Variants in MADD observed in about 807,000 individuals in gnomAD.
MADD encodes MAP kinase-activating death domain protein.
In MADD, 109 loss-of-function variants were observed where a neutral mutation model predicts 176.7. The ratio of observed to expected loss-of-function variants is 0.62; its 90% CI spans 0.53 to 0.72. The LOEUF (loss-of-function observed/expected upper bound fraction) is 0.72. Among genes scored for constraint, MADD ranks in the 30% least tolerant of loss-of-function variants. The pLI is 0.00. For missense variants in MADD, 1,914 were observed against 2,045.5 expected, an observed-to-expected ratio of 0.94 and a Z score of 1.24; for synonymous variants, 771 against 771.3, an observed-to-expected ratio of 1.00 and a Z score of 0.01.
At chr11:47,317,668 G>C (rs1227615415) in intron 27 of MADD, among the ~76,000 whole-genome samples, 1 of 152,134 alleles carries the variant, frequency 6.6e-6, no homozygotes, top group Non-Finnish European at 1.5e-5. Flanking sequence ...ACATCAGTGG[G>C]CTCAGATGTG....
intron 1 of MADD, among the ~76,000 whole-genome samples, chr11:47,272,798 A>G (rs1425446744): frequency 6.6e-6 from 1 of 152,152 alleles, no homozygotes; most frequent in Non-Finnish European, 1.5e-5. Flanking sequence ...CCTCTAATTC[A>G]TAGCCTCTGT....
chr11:47,305,862 G>A (rs558907158), intron 22 of MADD, among the ~76,000 whole-genome samples: 1 of 152,266 alleles, frequency 6.6e-6, no homozygotes, highest in East Asian at 1.9e-4. Context: ...GGGACATGGG[G>A]TACTGTGTCA....
chr11:47,315,832 CTTTT>C (rs138135047), intron 27 of MADD, among the ~76,000 whole-genome samples: 42 of 128,702 alleles, frequency 3.3e-4, no homozygotes, highest in East Asian at 6.8e-4. Flanking sequence ...ATACCCATTT[CTTTT>C]TTTTTTTTTT....
chr11:47,304,887 G>T (rs2081336641), intron 22 of MADD, among the ~76,000 whole-genome samples: 1 of 152,102 alleles, frequency 6.6e-6, no homozygotes, highest in Non-Finnish European at 1.5e-5. Context: ...CTCTGGAGTG[G>T]CTTTCATAGA....
At position 47,326,818 on chromosome 11, in the gene MADD, T is replaced by G. The variant is rs1391298385; in HGVS notation, c.4612+11T>G. 1 of 1,614,056 alleles carries G rather than the reference T, an allele frequency of 6.2e-7. No homozygotes were observed. Among genetic ancestry groups the G allele is most frequent in the South Asian group, 1.1e-5 (1 of 91,072 alleles). On this transcript the variant is annotated intron_variant, in intron 31 of 32. Coordinates refer to ENST00000402192, the Ensembl canonical transcript of MADD. ...TCCTGGAGGAATTTGGTAATTACAC[T>G]ATTTTGCTCTTAGGTCTGGACTCAC...
At chr11:47,308,621 A>G in exon 23 of MADD, 2 of 1,614,030 alleles carry the variant, frequency 1.2e-6, no homozygotes, top group South Asian at 2.2e-5. Context: ...GCCAAGCATA[A>G]AGGAGAAGCT....
intron 27 of MADD, among the ~76,000 whole-genome samples, chr11:47,323,250 A>AG (rs992325675): frequency 7.2e-5 from 11 of 151,850 alleles, no homozygotes; most frequent in Admixed American, 7.2e-4. Context: ...AAAAAAAAAA[A>AG]AAAAATTATA....
Position 47,273,811 on chromosome 11 carries a change from C to CT in MADD, c.-88-9dup. ...GGCACAGCAGTGGATCTTATCAGTA[C>CT]TTTTTTTCCTATTAGACTTCGATTT... On this transcript the variant is annotated splice_polypyrimidine_tract_variant and intron_variant, in intron 1 of 32. Transcript: ENST00000402192. 3.1e-6 allele frequency: 3 copies of CT among 969,128 alleles called. No individual in the cohort carries two copies. Among genetic ancestry groups the CT allele is most frequent in the South Asian group, 1.4e-5 (1 of 73,666 alleles). 60.0% of individuals were successfully genotyped at this position (969,128 alleles called of 1,614,324 possible). A position where few individuals can be genotyped will look rare whatever the true frequency, so the allele number is the denominator to read the frequency against.
chr11:47,283,656 C>T (rs557080060), intron 10 of MADD, among the ~76,000 whole-genome samples: 1 of 152,332 alleles, frequency 6.6e-6, no homozygotes, highest in East Asian at 1.9e-4. Flanking sequence ...ACTGCAACCT[C>T]CGCCTCTCGG....
rs376731389 is a variant in MADD, at chr11:47,290,821, G to A, written c.3301+5G>A. 14 of 1,599,636 alleles carry A rather than the reference G, an allele frequency of 8.8e-6. No individual in the cohort carries two copies. Among genetic ancestry groups the A allele is most frequent in the East Asian group, 4.5e-5 (2 of 44,482 alleles). On this transcript the variant is annotated splice_donor_5th_base_variant and intron_variant, in intron 19 of 32. Coordinates refer to ENST00000402192, the Ensembl canonical transcript of MADD. ...AAAATTTTATAGCATCTATTGGTAC[G>A]TATCAGTGTGTTTGGTGTGGTGGAG... is the stretch of plus-strand genomic sequence containing the variant.
intron 5 of MADD, 39 bp from the exon 6 acceptor site, chr11:47,278,126 T>A (rs767355020): frequency 7.3e-7 from 1 of 1,362,840 alleles, no homozygotes; most frequent in South Asian, 1.2e-5. Flanking sequence ...TCATGATAGG[T>A]TTTGTCTTTG....
Position 47,309,490 on chromosome 11 carries a change from C to G in MADD, c.3873-17C>G. 1 of 1,613,882 alleles carries G rather than the reference C, an allele frequency of 6.2e-7. No individual in the cohort carries two copies. Among genetic ancestry groups the G allele is most frequent in the Non-Finnish European group, 8.5e-7 (1 of 1,179,706 alleles). ...TCTCCCACTTGAGGGCTGACTTGTG[C>G]TTGGTCTTCTCCTTAGGTACCTGTC... On this transcript the variant is annotated splice_polypyrimidine_tract_variant and intron_variant, in intron 24 of 32. Transcript: ENST00000402192.
At chr11:47,291,138 A>G (rs11039165) in intron 19 of MADD, among the ~76,000 whole-genome samples, 27,489 of 152,028 alleles carry the variant, frequency 0.18, 3,290 homozygotes, top group Non-Finnish European at 0.27. Context: ...CATAGTGGAG[A>G]GAATTCCTGG....
intron 22 of MADD, among the ~76,000 whole-genome samples, chr11:47,307,618 T>C (rs2083956269): frequency 6.6e-6 from 1 of 152,146 alleles, no homozygotes; most frequent in Non-Finnish European, 1.5e-5. Context: ...TGGCATGATA[T>C]TACCTACCTC....
At chr11:47,300,382 T>A (rs2076728325) in intron 22 of MADD, among the ~76,000 whole-genome samples, 1 of 151,792 alleles carries the variant, frequency 6.6e-6, no homozygotes, top group South Asian at 2.1e-4. Flanking sequence ...AATTTTTGTA[T>A]TTTCAGTAGA....
chr11:47,328,274 C>T, intron 31 of MADD: 1 of 1,142,342 alleles, frequency 8.8e-7, no homozygotes, highest in Non-Finnish European at 1.1e-6. Flanking sequence ...AGAGAGAGCT[C>T]TCTCCTCCCA....
chr11:47,322,266 C>G (rs183738054), intron 27 of MADD, among the ~76,000 whole-genome samples: 3 of 152,146 alleles, frequency 2.0e-5, no homozygotes, highest in Admixed American at 6.6e-5. Flanking sequence ...TAGACCTGTG[C>G]CCTTCACCAT....
chr11:47,287,402 G>T (rs1332812430), intron 15 of MADD, among the ~76,000 whole-genome samples: 2 of 152,086 alleles, frequency 1.3e-5, no homozygotes, highest in Non-Finnish European at 2.9e-5. Flanking sequence ...TTCTGAATTT[G>T]ATTTTTTATT....
chr11:47,274,576 G>A (rs1217293963), exon 3 of MADD: 1 of 1,611,358 alleles, frequency 6.2e-7, no homozygotes, highest in Admixed American at 1.7e-5. Flanking sequence ...CCCGAGCAGT[G>A]ATAGCGTGGC....
Sources: gnomAD v4.1 joint callset for allele counts (sites outside exome capture counted in the v4.1 genomes callset) on GRCh38, gnomAD v4.1.1 for gene constraint, MANE v1.5 for transcripts, NCBI Gene and HGNC (gene_info 2026-07-23, HGNC 2026-07-21) for gene names.